The following SOCS2 variants were observed in gnomAD, a reference collection of about 807,000 sequenced individuals.
SOCS2 encodes suppressor of cytokine signaling 2, also known as CIS-2.
A neutral mutation model predicts 18.6 loss-of-function variants in SOCS2; 10 were observed. That is an observed-to-expected ratio of 0.54 (90% confidence interval 0.33 to 0.91). The LOEUF (loss-of-function observed/expected upper bound fraction) is 0.91, where lower values mean the gene tolerates loss of function less well. Ranked by LOEUF, SOCS2 falls within the 40% of genes least tolerant of loss-of-function variation. The pLI, the probability that SOCS2 is intolerant of heterozygous loss-of-function variation, is 0.02. For missense variants in SOCS2, 231 were observed against 247.2 expected (o/e 0.93, Z 0.44); for synonymous variants, 104 against 104.0 (o/e 1.00, Z 0.00).
downstream of SOCS2, among the ~76,000 whole-genome samples, chr12:93,584,393 C>T (rs934178332): frequency 6.6e-6 from 1 of 152,112 alleles, no homozygotes; most frequent in Admixed American, 6.5e-5. Context: ...TAGTGCAAGA[C>T]CTTAGTCCAA....
chr12:93,595,756 A>G, the SOCS2 span, among the ~76,000 whole-genome samples: 74 of 152,262 alleles, frequency 4.9e-4, no homozygotes, highest in African/African-American at 1.8e-3. Context: ...TAGAGTCTAC[A>G]TTTTTGGGAG....
Position 93,572,768 on chromosome 12 carries a change from C to T in SOCS2, c.-130C>T. On this transcript the variant is annotated 5_prime_UTR_variant, in exon 1 of 2. Transcript: ENST00000551556. The surrounding 1 kb of genome is among the most constrained non-coding windows in gnomAD (Gnocchi z 5.0). ...GGAGAAAGAGCCCCATCCCTTCTCTCTCTGCCACCATTTCGGACACCCCGC... is the reference window on the plus strand; with the variant it reads ...GGAGAAAGAGCCCCATCCCTTCTCTTTCTGCCACCATTTCGGACACCCCGC... 2 of 1,185,556 alleles carry T rather than the reference C, an allele frequency of 1.7e-6. No homozygotes were observed. The highest frequency in any genetic ancestry group is 2.6e-5 in the South Asian group (2 of 76,166). The allele number at this position is 1,185,556 out of a possible 1,614,324, so 73.4% of individuals were successfully genotyped here.
the SOCS2 span, among the ~76,000 whole-genome samples, chr12:93,591,305 G>A: frequency 1.5e-4 from 22 of 151,288 alleles, no homozygotes; most frequent in East Asian, 4.3e-3. Context: ...TACTGGAAGC[G>A]ACTTGACCTT....
chr12:93,590,620 C>A, the SOCS2 span, among the ~76,000 whole-genome samples: 1 of 151,008 alleles, frequency 6.6e-6, no homozygotes, highest in Non-Finnish European at 1.5e-5. Flanking sequence ...CATGGTGAAA[C>A]CTGTCTCTAC....
downstream of SOCS2, among the ~76,000 whole-genome samples, chr12:93,588,248 G>A (rs1359271944): frequency 6.6e-6 from 1 of 152,082 alleles, no homozygotes; most frequent in East Asian, 1.9e-4. Context: ...GTTGTTGTAG[G>A]TATTTCAAAA....
chr12:93,610,449 AG>A, the SOCS2 span, among the ~76,000 whole-genome samples: 3 of 152,168 alleles, frequency 2.0e-5, no homozygotes, highest in Admixed American at 1.3e-4. Context: ...TTTCTGACAA[AG>A]CTCCCAAGTG....
At chr12:93,614,442 C>T in the SOCS2 span, among the ~76,000 whole-genome samples, 26 of 62,442 alleles carry the variant, frequency 4.2e-4, 2 homozygotes, top group African/African-American at 2.3e-3. Context: ...TTCCTTCCTT[C>T]CTTCCTTCCT....
the SOCS2 span, among the ~76,000 whole-genome samples, chr12:93,608,567 A>C: frequency 2.6e-5 from 4 of 151,986 alleles, no homozygotes; most frequent in East Asian, 7.7e-4. Flanking sequence ...GATATTACAT[A>C]GTTCATATAC....
At chr12:93,581,154 T>C (rs1224052141), downstream of SOCS2, among the ~76,000 whole-genome samples, 2 of 152,164 alleles carry the variant, frequency 1.3e-5, no homozygotes, top group Admixed American at 1.3e-4. Flanking sequence ...CTGAGAGATT[T>C]TGTGAGCTCA....
At chr12:93,621,601 C>T in the SOCS2 span, among the ~76,000 whole-genome samples, 2 of 152,172 alleles carry the variant, frequency 1.3e-5, no homozygotes, top group African/African-American at 4.8e-5. Flanking sequence ...CTTAGTCTCC[C>T]CAGTACCTGG....
chr12:93,602,263 A>C, the SOCS2 span, among the ~76,000 whole-genome samples: 1 of 151,972 alleles, frequency 6.6e-6, no homozygotes, highest in East Asian at 1.9e-4. Context: ...CTTTTTTAAA[A>C]ATTTTTATTT....
chr12:93,587,467 G>A (rs553780445), downstream of SOCS2, among the ~76,000 whole-genome samples: 1 of 152,206 alleles, frequency 6.6e-6, no homozygotes, highest in Admixed American at 6.5e-5. Flanking sequence ...AGATCACGAG[G>A]TCAGGAGATC....
chr12:93,597,598 G>A, the SOCS2 span, among the ~76,000 whole-genome samples: 2 of 152,152 alleles, frequency 1.3e-5, no homozygotes, highest in Non-Finnish European at 2.9e-5. Flanking sequence ...TTACAGGTGT[G>A]AGCCGCCATG....
chr12:93,622,785 G>C, the SOCS2 span, among the ~76,000 whole-genome samples: 6 of 152,152 alleles, frequency 3.9e-5, no homozygotes, highest in Admixed American at 1.3e-4. Flanking sequence ...CTCAGAAATC[G>C]CTCAAGCACA....
chr12:93,596,482 T>TCC, the SOCS2 span, among the ~76,000 whole-genome samples: 15 of 152,146 alleles, frequency 9.9e-5, no homozygotes, highest in Non-Finnish European at 1.8e-4. Flanking sequence ...ATTCCTAAGA[T>TCC]AAGACTACCA....
chr12:93,572,930 T>A lies in SOCS2; in HGVS notation c.33T>A (p.Asn11Lys). The change falls in exon 1 of 2, where the codon AAT becomes AAA. Residue 11 changes from asparagine to lysine, a missense_variant. Physicochemically the swap from Asn to Lys is moderately conservative, Grantham distance 94. Transcript: ENST00000551556. This position sits in a 1 kb window ranked among gnomAD's most constrained non-coding sequence, Gnocchi z 5.0. ...TGCGGTGCCTTGAGCCCTCCGGGAA[T>A]GGCGGGGAAGGGACGCGGAGCCAGT... The part of the protein sequence containing the change: MTLRCLEPSG[N>K]GGEGTRSQWG... 1 of 1,574,968 alleles carries A rather than the reference T, an allele frequency of 6.3e-7. No homozygotes were observed. Among genetic ancestry groups the A allele is most frequent in the East Asian group, 2.3e-5 (1 of 42,874 alleles).
chr12:93,578,915 C>T (rs1954501548), downstream of SOCS2, among the ~76,000 whole-genome samples: 2 of 152,194 alleles, frequency 1.3e-5, no homozygotes, highest in Admixed American at 1.3e-4. Context: ...CTGTGGAATA[C>T]CCTGTGGGAT....
At chr12:93,618,602 A>G in the SOCS2 span, among the ~76,000 whole-genome samples, 2 of 152,166 alleles carry the variant, frequency 1.3e-5, no homozygotes, top group East Asian at 3.9e-4. Context: ...GGGCTTTTAC[A>G]TGTATGCCTC....
Position 93,574,896 on chromosome 12 carries a change from G to T in SOCS2, c.314G>T (p.Arg105Ile). Reference sequence around the variant, plus strand: ...ATCGAATACCAAGACGGAAAATTCAGATTGGACTCTATCATATGTGTCAAA... The same window carrying T: ...ATCGAATACCAAGACGGAAAATTCATATTGGACTCTATCATATGTGTCAAA... ...LRIEYQDGKF[R>I]LDSIICVKSK... The change falls in exon 2 of 2, where the codon AGA becomes ATA. Residue 105 changes from arginine to isoleucine, a missense_variant. This residue lies in a region of SOCS2 where 122 missense variants were observed against 127.2 expected (regional missense o/e 0.96). Transcript: ENST00000551556. 1.2e-6 allele frequency: 2 copies of T among 1,614,164 alleles called. No individual in the cohort carries two copies. The highest frequency in any genetic ancestry group is 2.2e-5 in the South Asian group (2 of 91,082).
Sources: gnomAD v4.1 joint callset for allele counts (sites outside exome capture counted in the v4.1 genomes callset) on GRCh38, gnomAD v4.1.1 for gene constraint, gnomAD v4.1.1 regional missense constraint, Gnocchi (gnomAD v3.1) non-coding constraint, MANE v1.5 for transcripts, NCBI Gene and HGNC (gene_info 2026-07-23, HGNC 2026-07-21) for gene names.